SLC30A8: variants seen among roughly 807,000 people sequenced by gnomAD.
SLC30A8 encodes proton-coupled zinc antiporter SLC30A8.
Under a neutral mutation model 36.9 loss-of-function variants are expected in SLC30A8, and 27 were observed. That is an observed-to-expected ratio of 0.73 (90% CI 0.54 to 1.01). The LOEUF (loss-of-function observed/expected upper bound fraction) is 1.01, where lower values mean the gene tolerates loss of function less well. Ranked by LOEUF, SLC30A8 falls within the 50% of genes least tolerant of loss-of-function variation. The probability of loss-of-function intolerance (pLI) is 0.00; values close to 1 mark genes in which losing one functional copy is unlikely to be tolerated. For missense variants in SLC30A8, 439 were observed against 452.0 expected (o/e 0.97, Z 0.26); for synonymous variants, 164 against 172.4 (o/e 0.95, Z 0.38).
At chr8:117,073,896 G>A (rs1237833035) in intron 2 of SLC30A8, among the ~76,000 whole-genome samples, 4 of 151,960 alleles carry the variant, frequency 2.6e-5, no homozygotes, top group Non-Finnish European at 4.4e-5. Context: ...GGGTTGATAC[G>A]TGGGACCTGA....
chr8:117,016,459 C>G (rs566476942), intron 1 of SLC30A8, among the ~76,000 whole-genome samples: 1 of 152,260 alleles, frequency 6.6e-6, no homozygotes, highest in South Asian at 2.1e-4. Flanking sequence ...AAGAACAAGG[C>G]AGCTATCAAC....
intron 2 of SLC30A8, among the ~76,000 whole-genome samples, chr8:117,076,249 G>A (rs751768861): frequency 1.3e-5 from 2 of 152,118 alleles, no homozygotes; most frequent in Non-Finnish European, 1.5e-5. Context: ...AAACATCCAG[G>A]TAACACCATC....
Position 117,118,540 on chromosome 8 carries a change from T to A in SLC30A8, c.-225-16740T>A, listed in dbSNP as rs548143390. ...AAAATCTTCTAAGATCAATAGCTCA[T>A]TTTTTTTTTAACCACGGAGCATTCT... On this transcript the variant is annotated intron_variant, in intron 2 of 10. Coordinates refer to the SLC30A8 transcript ENST00000427715. Among the ~76,000 whole-genome samples, 3 of 144,424 alleles carry A rather than the reference T, an allele frequency of 2.1e-5. No individual in the cohort carries two copies. In the South Asian group the frequency reaches 6.8e-4, roughly 33 times the overall value. 94.7% of individuals were successfully genotyped at this position (144,424 alleles called of 152,430 possible).
chr8:117,122,274 T>C (rs1049022901), intron 2 of SLC30A8, among the ~76,000 whole-genome samples: 6 of 152,078 alleles, frequency 3.9e-5, no homozygotes, highest in Admixed American at 2.0e-4. Flanking sequence ...CTGACATCCT[T>C]TAATAATAGG....
chr8:117,040,501 A>G (rs554291953), intron 2 of SLC30A8, among the ~76,000 whole-genome samples: 23 of 152,356 alleles, frequency 1.5e-4, no homozygotes, highest in African/African-American at 5.1e-4. Context: ...CTACTTTAAC[A>G]AGGAAGCAAA....
At chr8:117,038,984 A>G (rs1420296337) in intron 1 of SLC30A8, among the ~76,000 whole-genome samples, 1 of 152,232 alleles carries the variant, frequency 6.6e-6, no homozygotes, top group East Asian at 1.9e-4. Context: ...GAGGAAGGGA[A>G]GGCAGTGCCA....
chr8:116,975,894 G>C (rs917268902), intron 1 of SLC30A8, among the ~76,000 whole-genome samples: 2 of 152,150 alleles, frequency 1.3e-5, no homozygotes. Context: ...CTCTCAGCTC[G>C]TGGGAGGTAG....
Position 117,161,787 on chromosome 8 carries a change from G to C in SLC30A8, c.622G>C (p.Val208Leu), listed in dbSNP as rs141215536. ...QRCLGHNHKE[V>L]QANASVRAAF... ...ATGCCTTGGCCACAATCACAAGGAA[G>C]TACAAGCCAATGCCAGCGTCAGAGC... is the stretch of plus-strand genomic sequence containing the variant. Residue 208 changes from valine (V) to leucine (L), a missense_variant, in exon 5 of 8, where the codon GTA becomes CTA. Coordinates refer to ENST00000456015, the MANE Select transcript of SLC30A8 (RefSeq NM_173851.3). The C allele has an allele frequency of 6.2e-7, 1 of 1,613,974 alleles. No homozygotes were observed. Among genetic ancestry groups the C allele is most frequent in the East Asian group, 2.2e-5 (1 of 44,866 alleles).
intron 1 of SLC30A8, among the ~76,000 whole-genome samples, chr8:117,006,553 A>T (rs1816176112): frequency 6.6e-6 from 1 of 152,136 alleles, no homozygotes; most frequent in Non-Finnish European, 1.5e-5. Flanking sequence ...ATTTCCAAGA[A>T]GCTGGGAAAG....
chr8:116,976,084 T>A (rs1465238216), intron 1 of SLC30A8, among the ~76,000 whole-genome samples: 1 of 152,162 alleles, frequency 6.6e-6, no homozygotes, highest in Non-Finnish European at 1.5e-5. Flanking sequence ...TACTTTCATA[T>A]AGAATCAGTG....
Position 116,988,068 on chromosome 8 carries a change from GATATCCCC to G in SLC30A8, c.-266+36952_-266+36959del, listed in dbSNP as rs1167654603. On this transcript the variant is annotated intron_variant, in intron 1 of 10. Transcript: ENST00000427715. The stretch of plus-strand genomic sequence containing the variant: ...TCTCTTCCCCTCTCTCCTAAACTGA[GATATCCCC>G]ATTTGGCACTTTGCCTAGTTGGAGT... Among the ~76,000 whole-genome samples the G allele has an allele frequency of 1.2e-4, 18 of 152,230 alleles. No individual in the cohort carries two copies. In the South Asian group the frequency reaches 3.5e-3, roughly 30 times the overall value.
chr8:117,124,390 C>T (rs942252081), intron 2 of SLC30A8, among the ~76,000 whole-genome samples: 2 of 151,928 alleles, frequency 1.3e-5, no homozygotes, highest in African/African-American at 4.8e-5. Flanking sequence ...AAGCCCAATG[C>T]AGGTCAGTAG....
chr8:117,108,093 A>G (rs11778200), intron 2 of SLC30A8, among the ~76,000 whole-genome samples: 17,959 of 152,228 alleles, frequency 0.12, 1,298 homozygotes, highest in Non-Finnish European at 0.16. Flanking sequence ...TGAGTAAATT[A>G]TATTTTTCCT....
intron 2 of SLC30A8, among the ~76,000 whole-genome samples, chr8:117,090,273 A>C (rs968002558): frequency 1.3e-5 from 2 of 152,010 alleles, no homozygotes; most frequent in Admixed American, 6.6e-5. Flanking sequence ...ACTCCTAATA[A>C]ATTTTTAAGA....
chr8:117,018,451 T>C (rs1816591590), intron 1 of SLC30A8, among the ~76,000 whole-genome samples: 1 of 152,136 alleles, frequency 6.6e-6, no homozygotes, highest in Non-Finnish European at 1.5e-5. Context: ...ATTCAGCACA[T>C]CTCAATTGGA....
chr8:117,155,402 G>A (rs553063323), intron 3 of SLC30A8, among the ~76,000 whole-genome samples: 3 of 152,184 alleles, frequency 2.0e-5, no homozygotes, highest in East Asian at 3.9e-4. Context: ...CTCCATTTCC[G>A]GCTAACCAGA....
intron 2 of SLC30A8, among the ~76,000 whole-genome samples, chr8:117,081,268 C>T (rs564370952): frequency 3.3e-5 from 5 of 152,220 alleles, no homozygotes; most frequent in South Asian, 2.1e-4. Flanking sequence ...CAGACTGGGG[C>T]GCTTAAATAA....
At chr8:117,102,627 ACTT>A (rs1469265105) in intron 2 of SLC30A8, among the ~76,000 whole-genome samples, 3 of 152,178 alleles carry the variant, frequency 2.0e-5, no homozygotes, top group South Asian at 2.1e-4. Context: ...TCTAGGGAAG[ACTT>A]CTTCTTTGCT....
Position 117,015,548 on chromosome 8 carries a change from C to CAA in SLC30A8, c.-265-23664_-265-23663dup, listed in dbSNP as rs397891282. Among the ~76,000 whole-genome samples, 201 of 139,104 alleles carry CAA rather than the reference C, an allele frequency of 1.4e-3. 1 individual carries two copies. The highest frequency in any genetic ancestry group is 5.4e-3 in the African/African-American group (197 of 36,702). The allele number at this position is 139,104 out of a possible 152,430, so 91.3% of individuals were successfully genotyped here. On this transcript the variant is annotated intron_variant, in intron 1 of 10. Coordinates refer to the SLC30A8 transcript ENST00000427715. ...GATGCTATTATGCACCCCCCCCCCC[C>CAA]AAAAAAAAGAGGGCGAGGGAGGGCT... is the stretch of plus-strand genomic sequence containing the variant.
Sources: gnomAD v4.1 joint callset for allele counts (sites outside exome capture counted in the v4.1 genomes callset) on GRCh38, gnomAD v4.1.1 for gene constraint, MANE v1.5 for transcripts, NCBI Gene and HGNC (gene_info 2026-07-23, HGNC 2026-07-21) for gene names.